PCDHA12: variants seen among roughly 807,000 people sequenced by gnomAD.
The protein encoded by PCDHA12 is protocadherin alpha 12.
A neutral mutation model predicts 60.0 loss-of-function variants in PCDHA12; 44 were observed. That is an observed-to-expected ratio of 0.73 (90% CI 0.58 to 0.94). The LOEUF is 0.94. PCDHA12 is among the 40% of genes least tolerant of loss of function. The pLI is 0.00. For synonymous variants in PCDHA12, 569 were observed against 553.0 expected (o/e 1.03, Z -0.40); for missense variants, 1,276 against 1,239.7 (o/e 1.03, Z -0.44).
chr5:140,895,614 A>T (rs185386474), intron 1 of PCDHA12, among the ~76,000 whole-genome samples: 101 of 152,212 alleles, frequency 6.6e-4, no homozygotes, highest in African/African-American at 2.4e-3. Context: ...TTTCTCATTG[A>T]GGGTGTTGTC....
chr5:141,009,290 A>G (rs1372878338), intron 3 of PCDHA12, among the ~76,000 whole-genome samples: 1 of 152,118 alleles, frequency 6.6e-6, no homozygotes, highest in Non-Finnish European at 1.5e-5. Context: ...TCCCATTTCT[A>G]TAAAATTTTT....
At chr5:140,967,282 GC>G in intron 1 of PCDHA12, 1 of 1,613,078 alleles carries the variant, frequency 6.2e-7, no homozygotes, top group Non-Finnish European at 8.5e-7. Flanking sequence ...TAGAGAGTGC[GC>G]AGGACCCCGA....
intron 1 of PCDHA12, among the ~76,000 whole-genome samples, chr5:140,890,365 T>A: frequency 6.6e-6 from 1 of 152,216 alleles, no homozygotes; most frequent in Non-Finnish European, 1.5e-5. Context: ...ATGGATAACC[T>A]GAACAAGTAC....
chr5:140,908,490 G>A (rs149646315), intron 1 of PCDHA12, among the ~76,000 whole-genome samples: 2 of 152,140 alleles, frequency 1.3e-5, no homozygotes, highest in Admixed American at 6.5e-5. Context: ...GGCAGTTCAG[G>A]TTGCTTGGTG....
intron 3 of PCDHA12, among the ~76,000 whole-genome samples, chr5:140,995,275 A>G (rs1383239362): frequency 6.6e-6 from 1 of 152,146 alleles, no homozygotes; most frequent in African/African-American, 2.4e-5. Context: ...GCCCTTTGAT[A>G]CCAAAACAGC....
chr5:140,978,652 C>T (rs555324579), intron 1 of PCDHA12, among the ~76,000 whole-genome samples: 2 of 152,320 alleles, frequency 1.3e-5, no homozygotes, highest in East Asian at 1.9e-4. Flanking sequence ...CTGTTCTTCC[C>T]GTAGTGTTTT....
At chr5:140,929,590 G>T in intron 1 of PCDHA12, 1 of 426,240 alleles carries the variant, frequency 2.3e-6, no homozygotes, top group Non-Finnish European at 4.2e-6. Context: ...TGACATAAAG[G>T]TCTAAAATTA....
chr5:140,944,838 A>C (rs996510272), intron 1 of PCDHA12, among the ~76,000 whole-genome samples: 13 of 152,212 alleles, frequency 8.5e-5, no homozygotes, highest in Non-Finnish European at 1.6e-4. Flanking sequence ...TTGTAAAATG[A>C]GATATTAGAA....
At chr5:140,926,143 C>A (rs2082940711) in intron 1 of PCDHA12, among the ~76,000 whole-genome samples, 1 of 152,068 alleles carries the variant, frequency 6.6e-6, no homozygotes, top group African/African-American at 2.4e-5. Context: ...CAGGATCCAG[C>A]GCGGAAAGCT....
chr5:140,887,787 C>T (rs782343895), intron 1 of PCDHA12, among the ~76,000 whole-genome samples: 8 of 152,080 alleles, frequency 5.3e-5, no homozygotes, highest in African/African-American at 9.7e-5. Flanking sequence ...GTCATTGAAG[C>T]GTTCTTTATT....
intron 1 of PCDHA12, among the ~76,000 whole-genome samples, chr5:140,960,274 C>A (rs1291069063): frequency 6.6e-6 from 1 of 152,130 alleles, no homozygotes. Context: ...ATTCCGTCAC[C>A]TTTTTGGGAC....
At chr5:140,906,914 GC>G (rs2073038837) in intron 1 of PCDHA12, among the ~76,000 whole-genome samples, 1 of 152,182 alleles carries the variant, frequency 6.6e-6, no homozygotes, top group Admixed American at 6.5e-5. Context: ...GGTAGGAGGA[GC>G]CCAAAAAGTG....
At chr5:140,928,007 A>G in intron 1 of PCDHA12, 3 of 1,614,116 alleles carry the variant, frequency 1.9e-6, no homozygotes, top group Non-Finnish European at 2.5e-6. Context: ...CTCGATTCTA[A>G]TGGTAGGGTC....
intron 1 of PCDHA12, among the ~76,000 whole-genome samples, chr5:140,939,255 A>T (rs1032457788): frequency 2.6e-5 from 4 of 152,060 alleles, no homozygotes; most frequent in Non-Finnish European, 4.4e-5. Context: ...GCTCTCTGGA[A>T]CCTCTTTTAT....
chr5:140,875,972 T>G lies in PCDHA12; in HGVS notation c.500T>G (p.Leu167Arg). The G allele has an allele frequency of 6.2e-7, 1 of 1,614,068 alleles. No homozygotes were observed. Among genetic ancestry groups the G allele is most frequent in the Non-Finnish European group, 8.5e-7 (1 of 1,179,926 alleles). Residue 167 changes from leucine to arginine, a missense_variant, in exon 1 of 4, where the codon CTT (leucine) becomes CGT (arginine). Coordinates refer to ENST00000398631, the MANE Select transcript of PCDHA12 (RefSeq NM_018903.4). ...ASDADIGVNS[L>R]LTYALSLNEN... is the part of the protein sequence containing the mutation. ...GATGCGGATATCGGCGTAAACTCTC[T>G]TTTGACCTATGCGTTAAGTCTAAAT...
Position 141,012,272 on chromosome 5 carries a change from C to G in PCDHA12, c.*2335C>G, listed in dbSNP as rs186406635. On this transcript the variant is annotated 3_prime_UTR_variant, in exon 4 of 4. Transcript: ENST00000398631. ...TTACAGCTGTAAGGATAAAACACGTCATGTGGATTCATTTTGAATTGGTGC... is the reference window on the plus strand; with the variant it reads ...TTACAGCTGTAAGGATAAAACACGTGATGTGGATTCATTTTGAATTGGTGC... 3.3e-4 allele frequency: 51 copies of G among 153,858 alleles called. No individual in the cohort carries two copies. In the East Asian group the frequency reaches 6.6e-3, roughly 20 times the overall value. 9.5% of individuals were successfully genotyped at this position (153,858 alleles called of 1,614,324 possible). A position where few individuals can be genotyped will look rare whatever the true frequency, so the allele number is the denominator to read the frequency against.
At chr5:141,004,255 G>T (rs782648685) in intron 3 of PCDHA12, among the ~76,000 whole-genome samples, 2 of 152,190 alleles carry the variant, frequency 1.3e-5, no homozygotes, top group Non-Finnish European at 2.9e-5. Flanking sequence ...TTGTTTTACT[G>T]GAATGAGTCA....
chr5:140,882,748 A>G (rs1562779294), intron 1 of PCDHA12: 1 of 1,614,258 alleles, frequency 6.2e-7, no homozygotes, highest in Non-Finnish European at 8.5e-7. Flanking sequence ...CATCCGATGC[A>G]GATATTGGAG....
chr5:140,883,302 A>G, intron 1 of PCDHA12: 1 of 1,614,110 alleles, frequency 6.2e-7, no homozygotes, highest in Non-Finnish European at 8.5e-7. Flanking sequence ...GATGTAAATG[A>G]TAACGCCCCA....
Sources: gnomAD v4.1 joint callset for allele counts (sites outside exome capture counted in the v4.1 genomes callset) on GRCh38, gnomAD v4.1.1 for gene constraint, MANE v1.5 for transcripts, NCBI Gene and HGNC (gene_info 2026-07-23, HGNC 2026-07-21) for gene names.